The following SOAT1 variants were observed in gnomAD, a reference collection of about 807,000 sequenced individuals.
SOAT1 encodes the protein sterol O-acyltransferase 1, also known as acyl-coenzyme A:cholesterol acyltransferase 1.
SOAT1 carries 55 observed loss-of-function variants against 69.5 expected under a neutral mutation model. That is an observed-to-expected ratio of 0.79 (90% CI 0.64 to 0.99). SOAT1 has a LOEUF of 0.99. Among genes scored for constraint, SOAT1 ranks in the 50% least tolerant of loss-of-function variants. The probability of loss-of-function intolerance (pLI) is 0.00; values close to 1 mark genes in which losing one functional copy is unlikely to be tolerated. For synonymous variants in SOAT1, 231 were observed against 224.7 expected, an observed-to-expected ratio of 1.03 and a Z score of -0.25; for missense variants, 580 against 669.3, an observed-to-expected ratio of 0.87 and a Z score of 1.47.
rs1364638916 is a variant in SOAT1, at chr1:179,355,783, T to G, written c.*2142T>G. On this transcript the variant is annotated 3_prime_UTR_variant, in exon 16 of 16. Coordinates refer to ENST00000367619, the MANE Select transcript of SOAT1 (RefSeq NM_003101.6). ...CTCCTGACCTTGTGATCTGCCCACC[T>G]CAGCCTCCCAAAGTGCTGGGAAGAC... 3 of 152,262 alleles carry G rather than the reference T, an allele frequency of 2.0e-5. No individual in the cohort carries two copies. The highest frequency in any genetic ancestry group is 7.2e-5 in the African/African-American group (3 of 41,464). 9.4% of individuals were successfully genotyped at this position (152,262 alleles called of 1,614,324 possible).
At chr1:179,315,118 C>T (rs144890082) in intron 2 of SOAT1, among the ~76,000 whole-genome samples, 1 of 152,180 alleles carries the variant, frequency 6.6e-6, no homozygotes, top group African/African-American at 2.4e-5. Context: ...AATTGAGAAG[C>T]CTTGAGTTGA....
intron 3 of SOAT1, among the ~76,000 whole-genome samples, chr1:179,328,319 G>T (rs1665856442): frequency 2.6e-5 from 4 of 152,156 alleles, no homozygotes; most frequent in African/African-American, 9.7e-5. Flanking sequence ...AGGCATAAAA[G>T]AAAATATATT....
At chr1:179,333,615 C>T (rs935056014) in intron 3 of SOAT1, among the ~76,000 whole-genome samples, 2 of 151,882 alleles carry the variant, frequency 1.3e-5, no homozygotes, top group Non-Finnish European at 2.9e-5. Context: ...CCGAGGCGGG[C>T]GAATCACCTG....
At chr1:179,351,800 A>G (rs1397185438) in intron 15 of SOAT1, among the ~76,000 whole-genome samples, 32 of 142,586 alleles carry the variant, frequency 2.2e-4, no homozygotes, top group African/African-American at 8.3e-4. Flanking sequence ...GCTCACTGCA[A>G]CCTCTGCCTC....
At chr1:179,341,387 A>G in intron 7 of SOAT1, 77 bp downstream of exon 7, 3 of 1,369,610 alleles carry the variant, frequency 2.2e-6, no homozygotes, top group Non-Finnish European at 3.0e-6. Flanking sequence ...TACTGATACT[A>G]TTATTTTTAG....
chr1:179,358,283 TCTCTTCC>T lies in SOAT1; in HGVS notation c.*4643_*4649del, dbSNP rs1666972543. ...TCTGTACTGTTTTTTTCTTAAGTGC[TCTCTTCC>T]TTATTTCTACATTACTACATTCACA... On this transcript the variant is annotated 3_prime_UTR_variant, in exon 16 of 16. Coordinates refer to ENST00000367619, the MANE Select transcript of SOAT1 (RefSeq NM_003101.6). The T allele has an allele frequency of 1.3e-5, 2 of 152,226 alleles. No individual in the cohort carries two copies. Among genetic ancestry groups the T allele is most frequent in the Non-Finnish European group, 2.9e-5 (2 of 68,044 alleles). The allele number at this position is 152,226 out of a possible 1,614,324, so 9.4% of individuals were successfully genotyped here. A position where few individuals can be genotyped will look rare whatever the true frequency, so the allele number is the denominator to read the frequency against.
chr1:179,336,972 G>A (rs1666181615), intron 4 of SOAT1, among the ~76,000 whole-genome samples: 1 of 147,386 alleles, frequency 6.8e-6, no homozygotes, highest in African/African-American at 2.5e-5. Flanking sequence ...TTCAGCCTGG[G>A]TGACAGAGTG....
In SOAT1 at chr1:179,345,193, G is replaced by T. The variant is rs1666486522; in HGVS notation, c.1117+117G>T. ...TTCATCTAAACTTCTATACATCTAT[G>T]CCCATCTTGACCTCTTTTGCATCTA... On this transcript the variant is annotated intron_variant, in intron 11 of 15. Transcript: ENST00000367619. 4.2e-6 allele frequency: 4 copies of T among 963,554 alleles called. No homozygotes were observed. The African/African-American group carries it at 6.6e-5, about 16-fold the overall frequency. 59.7% of individuals were successfully genotyped at this position (963,554 alleles called of 1,614,324 possible). A position where few individuals can be genotyped will look rare whatever the true frequency, so the allele number is the denominator to read the frequency against.
intron 1 of SOAT1, among the ~76,000 whole-genome samples, chr1:179,299,745 CTTTTTTTTTTTTT>C (rs1162260815): frequency 3.0e-4 from 21 of 69,550 alleles, no homozygotes; most frequent in South Asian, 6.9e-4. Flanking sequence ...ATTTTGCTAT[CTTTTTTTTTTTTT>C]TTTTTTTTTT....
intron 2 of SOAT1, among the ~76,000 whole-genome samples, chr1:179,308,175 C>T (rs769407297): frequency 5.3e-5 from 8 of 152,090 alleles, no homozygotes; most frequent in Admixed American, 3.9e-4. Context: ...TGTTGTATAT[C>T]AACTGAGAAT....
intron 1 of SOAT1, among the ~76,000 whole-genome samples, chr1:179,295,799 C>T (rs1189206838): frequency 4.2e-5 from 5 of 118,048 alleles, no homozygotes; most frequent in Admixed American, 2.3e-4. Context: ...CCAGTACGCC[C>T]GGCTAATTTT....
intron 1 of SOAT1, among the ~76,000 whole-genome samples, chr1:179,296,418 C>CT (rs1469054249): frequency 1.3e-5 from 2 of 152,152 alleles, no homozygotes; most frequent in Non-Finnish European, 2.9e-5. Context: ...GGAAGAGTCC[C>CT]TTTTTCCTAT....
At chr1:179,295,005 G>A (rs1012339511) in intron 1 of SOAT1, among the ~76,000 whole-genome samples, 6 of 151,756 alleles carry the variant, frequency 4.0e-5, no homozygotes, top group Admixed American at 2.6e-4. Flanking sequence ...AAGTCTGTGC[G>A]TTGTCTGGGT....
chr1:179,314,353 CT>C (rs1237599794), intron 2 of SOAT1, among the ~76,000 whole-genome samples: 2 of 152,094 alleles, frequency 1.3e-5, no homozygotes, highest in African/African-American at 4.8e-5. Flanking sequence ...TTATTTGTCT[CT>C]TTTCTTCTGT....
chr1:179,308,043 G>C (rs113340377), intron 2 of SOAT1, among the ~76,000 whole-genome samples: 1 of 151,980 alleles, frequency 6.6e-6, no homozygotes, highest in African/African-American at 2.4e-5. Flanking sequence ...ACCCACCTCG[G>C]CCTCCCAAAG....
intron 1 of SOAT1, among the ~76,000 whole-genome samples, chr1:179,298,076 T>C (rs1297303656): frequency 5.9e-5 from 9 of 151,408 alleles, no homozygotes; most frequent in Admixed American, 5.9e-4. Context: ...TACTAGATCA[T>C]GGTAAGGACT....
At chr1:179,342,746 A>G in intron 8 of SOAT1, 116 bp from the exon 9 acceptor site, 1 of 686,026 alleles carries the variant, frequency 1.5e-6, no homozygotes, top group Non-Finnish European at 2.5e-6. Context: ...AAAAAAGAAC[A>G]TGAGCTGATA....
chr1:179,306,195 G>A (rs1219975842), intron 2 of SOAT1, among the ~76,000 whole-genome samples: 1 of 152,152 alleles, frequency 6.6e-6, no homozygotes, highest in Admixed American at 6.5e-5. Context: ...AATTGGAAAG[G>A]CCAGAAGTAA....
intron 1 of SOAT1, among the ~76,000 whole-genome samples, chr1:179,294,906 A>G (rs781125266): frequency 6.7e-6 from 1 of 150,084 alleles, no homozygotes; most frequent in Non-Finnish European, 1.5e-5. Flanking sequence ...AGCCTGCTTG[A>G]TTTCCTCTTC....
Sources: gnomAD v4.1 joint callset for allele counts (sites outside exome capture counted in the v4.1 genomes callset) on GRCh38, gnomAD v4.1.1 for gene constraint, MANE v1.5 for transcripts, NCBI Gene and HGNC (gene_info 2026-07-23, HGNC 2026-07-21) for gene names.